Variants in CSMD1 observed in about 807,000 individuals in gnomAD.
CSMD1 encodes CUB and sushi domain-containing protein 1.
CSMD1 carries 213 observed loss-of-function variants against 417.5 expected under a neutral mutation model. The observed-to-expected ratio is 0.51, with a 90% CI of 0.46 to 0.57. The LOEUF (loss-of-function observed/expected upper bound fraction) is 0.57. Among genes scored for constraint, CSMD1 ranks in the 20% least tolerant of loss-of-function variants. The probability of loss-of-function intolerance (pLI) is 0.00; values close to 1 mark genes in which losing one functional copy is unlikely to be tolerated. For missense variants in CSMD1, 6,923 were observed against 4,529.7 expected, an observed-to-expected ratio of 1.53 and a Z score of -15.17; for synonymous variants, 2,862 against 1,736.8, an observed-to-expected ratio of 1.65 and a Z score of -16.11.
chr8:4,040,486 C>T (rs1411050219), intron 3 of CSMD1, among the ~76,000 whole-genome samples: 1 of 152,066 alleles, frequency 6.6e-6, no homozygotes, highest in Non-Finnish European at 1.5e-5. Flanking sequence ...TACTTGCAAG[C>T]ATGACAAAAA....
chr8:4,405,722 C>T (rs1395296071), intron 3 of CSMD1, among the ~76,000 whole-genome samples: 1 of 152,134 alleles, frequency 6.6e-6, no homozygotes, highest in Non-Finnish European at 1.5e-5. Flanking sequence ...CTTATGAAAC[C>T]ATCTTTGAAG....
intron 5 of CSMD1, among the ~76,000 whole-genome samples, chr8:3,967,709 A>G (rs1055960472): frequency 6.6e-6 from 1 of 152,194 alleles, no homozygotes; most frequent in African/African-American, 2.4e-5. Flanking sequence ...AAATAAGGGA[A>G]GTGGGCAAGA....
At chr8:3,566,467 A>G (rs1243903473) in intron 10 of CSMD1, among the ~76,000 whole-genome samples, 1 of 151,884 alleles carries the variant, frequency 6.6e-6, no homozygotes, top group East Asian at 1.9e-4. Flanking sequence ...CTCCTCCTGC[A>G]CCTCCACCAG....
intron 1 of CSMD1, among the ~76,000 whole-genome samples, chr8:4,925,162 C>T (rs1190410360): frequency 1.4e-5 from 2 of 140,760 alleles, no homozygotes; most frequent in East Asian, 2.3e-4. Context: ...CAAGGAAGGA[C>T]AACATCACTA....
At chr8:4,708,385 G>C (rs1364798045) in intron 1 of CSMD1, among the ~76,000 whole-genome samples, 2 of 152,148 alleles carry the variant, frequency 1.3e-5, no homozygotes, top group African/African-American at 4.8e-5. Flanking sequence ...ATTCTGTTCA[G>C]TGCCTAAAAC....
intron 2 of CSMD1, among the ~76,000 whole-genome samples, chr8:4,570,989 T>C (rs565687327): frequency 6.6e-6 from 1 of 152,236 alleles, no homozygotes; most frequent in Admixed American, 6.5e-5. Flanking sequence ...GGTGGTGATA[T>C]CCCTTTATCT....
intron 2 of CSMD1, among the ~76,000 whole-genome samples, chr8:4,429,468 A>G (rs972878981): frequency 6.6e-6 from 1 of 151,654 alleles, no homozygotes; most frequent in Non-Finnish European, 1.5e-5. Context: ...TTCTTTGGCA[A>G]CTCCTCCTGT....
intron 3 of CSMD1, among the ~76,000 whole-genome samples, chr8:4,142,971 G>T (rs769471647): frequency 6.8e-6 from 1 of 146,748 alleles, no homozygotes; most frequent in Non-Finnish European, 1.5e-5. Flanking sequence ...ACTATCAGAT[G>T]CTTAGTTTTC....
chr8:4,898,188 T>A (rs991557626), intron 1 of CSMD1, among the ~76,000 whole-genome samples: 3 of 152,128 alleles, frequency 2.0e-5, no homozygotes, highest in Admixed American at 2.0e-4. Flanking sequence ...CAGCGTGCAT[T>A]GCTATATTGC....
At position 4,282,329 on chromosome 8, in the gene CSMD1, G is replaced by T. The variant is rs75103025; in HGVS notation, c.415+137624C>A. Among the ~76,000 whole-genome samples, 133 of 152,268 alleles carry T rather than the reference G, an allele frequency of 8.7e-4. 1 individual carries two copies. Among genetic ancestry groups the T allele is most frequent in the Middle Eastern group, 3.4e-3 (1 of 294 alleles). On this transcript the variant is annotated intron_variant, in intron 3 of 69. Transcript: ENST00000635120. ...ACACTGGAGCACGCCCAAGGGTCAA[G>T]ATCATAACACAGATCTTCTGGCCAC...
At chr8:4,455,707 G>T (rs559865141) in intron 2 of CSMD1, among the ~76,000 whole-genome samples, 1 of 151,610 alleles carries the variant, frequency 6.6e-6, no homozygotes, top group Non-Finnish European at 1.5e-5. Flanking sequence ...GAAGCGGGTC[G>T]ATCACCTGAG....
chr8:3,487,424 T>G lies in CSMD1; in HGVS notation c.1448+6199A>C, dbSNP rs112984195. Reference sequence around the variant, plus strand: ...CACCATGTTAGCCAGGATGGTCTCGTTCTCCTGACCTCGTGATCTGCCCGC... The same window carrying G: ...CACCATGTTAGCCAGGATGGTCTCGGTCTCCTGACCTCGTGATCTGCCCGC... On this transcript the variant is annotated intron_variant, in intron 11 of 69. Transcript: ENST00000635120. 2.6e-5 allele frequency among the ~76,000 whole-genome samples: 4 copies of G among 152,136 alleles called. No individual in the cohort carries two copies. In the East Asian group the frequency reaches 7.8e-4, roughly 30 times the overall value.
At chr8:3,200,212 A>T (rs73183582) in intron 32 of CSMD1, among the ~76,000 whole-genome samples, 18,524 of 151,902 alleles carry the variant, frequency 0.12, 1,427 homozygotes, top group Admixed American at 0.2. Flanking sequence ...GATTTTTTTT[A>T]AATTAAAAGA....
chr8:4,246,764 G>A (rs866720644), intron 3 of CSMD1, among the ~76,000 whole-genome samples: 1 of 152,112 alleles, frequency 6.6e-6, no homozygotes, highest in African/African-American at 2.4e-5. Context: ...ACAGGATCAA[G>A]AAGATTTTTT....
chr8:4,521,974 T>C (rs899063113), intron 2 of CSMD1, among the ~76,000 whole-genome samples: 8 of 152,200 alleles, frequency 5.3e-5, no homozygotes, highest in African/African-American at 1.9e-4. Flanking sequence ...TGCCTTTTTG[T>C]ATCCTAGTTT....
intron 51 of CSMD1, among the ~76,000 whole-genome samples, chr8:3,025,014 C>A: frequency 6.6e-6 from 1 of 150,772 alleles, no homozygotes; most frequent in Admixed American, 6.6e-5. Context: ...TATTCTGAAA[C>A]CGTGTATTGT....
chr8:3,435,943 C>T (rs997563021), intron 12 of CSMD1, among the ~76,000 whole-genome samples: 7 of 152,182 alleles, frequency 4.6e-5, no homozygotes, highest in Non-Finnish European at 8.8e-5. Context: ...TGCAATTAAC[C>T]AGATGCAATC....
chr8:4,355,715 C>T (rs2406695), intron 3 of CSMD1, among the ~76,000 whole-genome samples: 51,278 of 152,082 alleles, frequency 0.34, 10,084 homozygotes, highest in East Asian at 0.52. Context: ...GTTAAGGGTC[C>T]AGCAATGCAT....
At chr8:3,008,405 TTTATAGAA>T (rs1808124781) in intron 52 of CSMD1, among the ~76,000 whole-genome samples, 1 of 152,176 alleles carries the variant, frequency 6.6e-6, no homozygotes, top group Non-Finnish European at 1.5e-5. Flanking sequence ...ACACCTGCAG[TTTATAGAA>T]TTCAACACGG....
Sources: gnomAD v4.1 joint callset for allele counts (sites outside exome capture counted in the v4.1 genomes callset) on GRCh38, gnomAD v4.1.1 for gene constraint, MANE v1.5 for transcripts, NCBI Gene and HGNC (gene_info 2026-07-23, HGNC 2026-07-21) for gene names.